Variants in MESD observed in about 807,000 individuals in gnomAD.
MESD encodes the protein mesoderm development LRP chaperone.
A neutral mutation model predicts 12.9 loss-of-function variants in MESD; 7 were observed. The observed-to-expected ratio is 0.54, with a 90% confidence interval of 0.31 to 1.02. The LOEUF (loss-of-function observed/expected upper bound fraction) is 1.02. Ranked by LOEUF, MESD falls within the 50% of genes least tolerant of loss-of-function variation. The pLI, the probability that MESD is intolerant of heterozygous loss-of-function variation, is 0.05. For synonymous variants in MESD, 126 were observed against 115.6 expected, an observed-to-expected ratio of 1.09 and a Z score of -0.58; for missense variants, 342 against 296.7, an observed-to-expected ratio of 1.15 and a Z score of -1.12.
chr15:80,959,876 C>T (rs1022542143), intron 3 of MESD, among the ~76,000 whole-genome samples: 3 of 140,918 alleles, frequency 2.1e-5, no homozygotes, highest in Non-Finnish European at 4.7e-5. Flanking sequence ...GGGAGTGGGG[C>T]GGTGGGTGGG....
chr15:80,959,899 C>T (rs554793314), intron 3 of MESD, among the ~76,000 whole-genome samples: 48 of 152,216 alleles, frequency 3.2e-4, no homozygotes, highest in East Asian at 1.7e-3. Context: ...AAGCCCTGTT[C>T]GTAGTATTTG....
intron 3 of MESD, among the ~76,000 whole-genome samples, chr15:80,966,220 C>A (rs1902172750): frequency 6.6e-6 from 1 of 151,626 alleles, no homozygotes; most frequent in South Asian, 2.1e-4. Context: ...TTTGGACCTA[C>A]TAATTACATA....
chr15:80,969,406 G>A (rs899181418), intron 3 of MESD, among the ~76,000 whole-genome samples: 3 of 152,028 alleles, frequency 2.0e-5, no homozygotes, highest in Admixed American at 6.6e-5. Flanking sequence ...CACACTTCCC[G>A]AAACTTATTG....
chr15:80,947,044 G>A, downstream of MESD: 1 of 1,613,606 alleles, frequency 6.2e-7, no homozygotes, highest in Non-Finnish European at 8.5e-7. Context: ...GCTTGGGGCA[G>A]ACAGGGGTCT....
At chr15:80,970,550 A>C (rs1451870798) in intron 3 of MESD, 3 of 152,136 alleles carry the variant, frequency 2.0e-5, no homozygotes, top group Non-Finnish European at 2.9e-5. Context: ...TGACATCAAA[A>C]ACGTGTTCTT....
downstream of MESD, among the ~76,000 whole-genome samples, chr15:80,971,796 G>A (rs1008483789): frequency 6.6e-6 from 1 of 151,856 alleles, no homozygotes; most frequent in Non-Finnish European, 1.5e-5. Flanking sequence ...GGAAAAAGTA[G>A]GACCTGAGAC....
At chr15:80,968,315 T>C (rs1375588889) in intron 3 of MESD, among the ~76,000 whole-genome samples, 2 of 152,280 alleles carry the variant, frequency 1.3e-5, no homozygotes, top group East Asian at 1.9e-4. Flanking sequence ...CTGTGGCCCA[T>C]GTAGAATTCC....
intron 3 of MESD, among the ~76,000 whole-genome samples, chr15:80,954,343 C>T (rs1901919082): frequency 6.6e-6 from 1 of 152,196 alleles, no homozygotes. Flanking sequence ...CTGTGTTGAA[C>T]AAAGGCATAA....
At chr15:80,981,828 C>T in intron 2 of MESD, 122 bp downstream of exon 2, 1 of 745,330 alleles carries the variant, frequency 1.3e-6, no homozygotes, top group South Asian at 1.9e-5. Context: ...GCACTCCAGC[C>T]TAGGCAACAA....
intron 2 of MESD, among the ~76,000 whole-genome samples, chr15:80,980,764 C>T (rs1032092370): frequency 6.6e-6 from 1 of 151,688 alleles, no homozygotes; most frequent in Non-Finnish European, 1.5e-5. Context: ...AGTGAGACCT[C>T]GCCTCTTCAA....
At chr15:80,959,377 C>CA (rs2141788491) in intron 3 of MESD, among the ~76,000 whole-genome samples, 1 of 152,272 alleles carries the variant, frequency 6.6e-6, no homozygotes, top group South Asian at 2.1e-4. Context: ...TCCCACGAGT[C>CA]AAGTGTACAT....
intron 1 of MESD, among the ~76,000 whole-genome samples, chr15:80,988,728 C>T (rs189675903): frequency 4.3e-4 from 66 of 152,264 alleles, no homozygotes; most frequent in African/African-American, 1.3e-3. Flanking sequence ...AATCTTAGGA[C>T]CCATCCTAAC....
rs1380220594 is a variant in MESD, at chr15:80,979,294, T to C, written c.630A>G (p.Lys210=). The C allele has an allele frequency of 2.0e-5, 32 of 1,614,106 alleles. No individual in the cohort carries two copies. The highest frequency in any genetic ancestry group is 5.5e-5 in the South Asian group (5 of 91,086). ...GAGATTTCAGATCTCCTTCCTTCTT[T>C]TTTTTGCCCTTGTCTTGCTTTGTTT... ...KNKTKQDKGK[K]KKEGDLKSRS... Residue 210 remains lysine (K), a synonymous_variant, in exon 3 of 3, where the codon AAA becomes AAG. Transcript: ENST00000261758.
rs1901668200 is a variant in MESD, at chr15:80,948,588, G to A, written c.*937C>T. 5 of 654,500 alleles carry A rather than the reference G, an allele frequency of 7.6e-6. 1 individual carries two copies. The South Asian group carries it at 8.6e-5, about 11-fold the overall frequency. 40.5% of individuals were successfully genotyped at this position (654,500 alleles called of 1,614,324 possible). A position where few individuals can be genotyped will look rare whatever the true frequency, so the allele number is the denominator to read the frequency against. ...ATCACCCTGCCTAGGTGGCAGTGAGGCTCAGGTGAGACCCTGCCTGCCCCA... is the reference window on the plus strand; with the variant it reads ...ATCACCCTGCCTAGGTGGCAGTGAGACTCAGGTGAGACCCTGCCTGCCCCA... On this transcript the variant is annotated 3_prime_UTR_variant, in exon 5 of 5. Transcript: ENST00000561312.
chr15:80,962,084 T>C (rs1902096617), intron 3 of MESD, among the ~76,000 whole-genome samples: 2 of 152,216 alleles, frequency 1.3e-5, no homozygotes, highest in Non-Finnish European at 2.9e-5. Context: ...GTGTGCTGTA[T>C]TCAGGAGACC....
intron 3 of MESD, among the ~76,000 whole-genome samples, chr15:80,963,340 G>A (rs1336782461): frequency 1.3e-5 from 2 of 152,122 alleles, no homozygotes; most frequent in African/African-American, 4.8e-5. Context: ...ATAATTAATA[G>A]CCTACCAAAC....
chr15:80,948,328 A>G (rs2280441), exon 5 of MESD: 232,853 of 258,244 alleles, frequency 0.9, 106,689 homozygotes, highest in Non-Finnish European at 0.97. Context: ...CTCTTGGTCA[A>G]ATTTCTTCAC....
rs961622512 is a variant in MESD at position 80,977,743 on chromosome 15, A to C, written c.*1476T>G. 1.3e-5 allele frequency: 2 copies of C among 152,176 alleles called. No homozygotes were observed. The highest frequency in any genetic ancestry group is 4.8e-5 in the African/African-American group (2 of 41,432). The allele number at this position is 152,176 out of a possible 1,614,324, so 9.4% of individuals were successfully genotyped here. On this transcript the variant is annotated 3_prime_UTR_variant, in exon 3 of 3. Transcript: ENST00000261758. ...TGGCGCTCTCTCCCCACTGTCAGAC[A>C]GTTCTCTTCTCCAAGGGCGGGGCCT...
chr15:80,964,694 A>C (rs1465038601), intron 3 of MESD, among the ~76,000 whole-genome samples: 1 of 151,342 alleles, frequency 6.6e-6, no homozygotes, highest in Non-Finnish European at 1.5e-5. Flanking sequence ...TTGACAAACA[A>C]GCAATGGGGA....
Sources: gnomAD v4.1 joint callset for allele counts (sites outside exome capture counted in the v4.1 genomes callset) on GRCh38, gnomAD v4.1.1 for gene constraint, MANE v1.5 for transcripts, NCBI Gene and HGNC (gene_info 2026-07-23, HGNC 2026-07-21) for gene names.